The following TENM2 variants were observed in gnomAD, a reference collection of about 807,000 sequenced individuals.
The protein encoded by TENM2 is teneurin transmembrane protein 2.
In TENM2, 52 loss-of-function variants were observed where a neutral mutation model predicts 245.2. The observed-to-expected ratio is 0.21, with a 90% CI of 0.17 to 0.27. TENM2 has a LOEUF of 0.27. TENM2 is among the 10% of genes least tolerant of loss of function. The pLI is 1.00. For synonymous variants in TENM2, 1,363 were observed against 1,438.9 expected, an observed-to-expected ratio of 0.95 and a Z score of 1.19; for missense variants, 3,046 against 3,666.8, an observed-to-expected ratio of 0.83 and a Z score of 4.37.
At chr5:168,066,276 T>C (rs548085664) in intron 7 of TENM2, among the ~76,000 whole-genome samples, 95 of 152,282 alleles carry the variant, frequency 6.2e-4, no homozygotes, top group African/African-American at 2.3e-3. Flanking sequence ...CACATATCAT[T>C]TAAGCACTTC....
chr5:167,167,941 A>G, the TENM2 span, among the ~76,000 whole-genome samples: 50 of 152,188 alleles, frequency 3.3e-4, no homozygotes, highest in East Asian at 8.9e-3. Flanking sequence ...TGAGACCCAC[A>G]CTTTGAATCA....
At chr5:167,857,297 A>G (rs1341029917) in intron 2 of TENM2, among the ~76,000 whole-genome samples, 1 of 152,176 alleles carries the variant, frequency 6.6e-6, no homozygotes, top group African/African-American at 2.4e-5. Context: ...ATAAATGTCC[A>G]TTCTGTTTTT....
the TENM2 span, among the ~76,000 whole-genome samples, chr5:167,110,725 G>A: frequency 1.3e-5 from 2 of 152,136 alleles, no homozygotes; most frequent in Non-Finnish European, 2.9e-5. Flanking sequence ...GATCTTCAGT[G>A]TTTTTAATTT....
chr5:167,941,684 CAAAAAAA>C (rs981805963), intron 3 of TENM2, among the ~76,000 whole-genome samples: 30 of 110,026 alleles, frequency 2.7e-4, no homozygotes, highest in African/African-American at 6.7e-4. Context: ...CCATCTCTAC[CAAAAAAA>C]AAAAAAAAAA....
chr5:167,275,025 C>A, the TENM2 span, among the ~76,000 whole-genome samples: 1 of 151,898 alleles, frequency 6.6e-6, no homozygotes, highest in Non-Finnish European at 1.5e-5. Context: ...TATATACACA[C>A]ATATATTTAT....
At chr5:167,700,929 C>T (rs1215148583) in intron 2 of TENM2, among the ~76,000 whole-genome samples, 1 of 123,510 alleles carries the variant, frequency 8.1e-6, no homozygotes, top group Non-Finnish European at 1.6e-5. Context: ...AGCCCCAGTA[C>T]ACACAGTTGT....
intron 5 of TENM2, among the ~76,000 whole-genome samples, chr5:167,996,388 G>A (rs530097244): frequency 6.6e-6 from 1 of 152,256 alleles, no homozygotes; most frequent in Admixed American, 6.5e-5. Context: ...ACTCTGGAAA[G>A]CTGAATAAAC....
chr5:167,817,062 C>T (rs941755942), intron 2 of TENM2, among the ~76,000 whole-genome samples: 39 of 152,140 alleles, frequency 2.6e-4, no homozygotes, highest in African/African-American at 8.4e-4. Flanking sequence ...ATTCATGTTC[C>T]AACTGGAGAA....
At chr5:167,322,209 ATTTG>A (rs1581741036) in intron 1 of TENM2, among the ~76,000 whole-genome samples, 1 of 90,648 alleles carries the variant, frequency 1.1e-5, no homozygotes, top group African/African-American at 4.8e-5. Context: ...GCTCAAAAAT[ATTTG>A]TTTTTTTTTT....
intron 2 of TENM2, among the ~76,000 whole-genome samples, chr5:167,778,757 A>G (rs1293750337): frequency 2.6e-5 from 4 of 152,214 alleles, no homozygotes; most frequent in African/African-American, 9.7e-5. Context: ...ACAAAATGGG[A>G]TACTTAATCT....
At chr5:167,701,611 T>G (rs773268452) in intron 2 of TENM2, among the ~76,000 whole-genome samples, 2 of 151,392 alleles carry the variant, frequency 1.3e-5, no homozygotes, top group Non-Finnish European at 2.9e-5. Context: ...TTCTGTGTCT[T>G]ACTTGAAAAA....
intron 2 of TENM2, among the ~76,000 whole-genome samples, chr5:167,646,741 T>A: frequency 6.6e-6 from 1 of 151,998 alleles, no homozygotes; most frequent in Non-Finnish European, 1.5e-5. Flanking sequence ...ATAGCACAAG[T>A]ACAGTTTTAA....
chr5:167,400,454 C>A (rs889889910), intron 2 of TENM2, among the ~76,000 whole-genome samples: 3 of 151,982 alleles, frequency 2.0e-5, no homozygotes, highest in African/African-American at 7.2e-5. Flanking sequence ...GACTGGGAAA[C>A]AGGAAGTTTG....
At chr5:168,073,358 G>A (rs981015604) in intron 7 of TENM2, among the ~76,000 whole-genome samples, 1 of 152,178 alleles carries the variant, frequency 6.6e-6, no homozygotes, top group African/African-American at 2.4e-5. Context: ...ATCTTTGAGG[G>A]TGAGTTAAGC....
chr5:167,196,535 TAC>T, the TENM2 span, among the ~76,000 whole-genome samples: 2 of 136,782 alleles, frequency 1.5e-5, no homozygotes, highest in African/African-American at 7.2e-5. Flanking sequence ...TATGTGTGTG[TAC>T]ATATATGTGT....
chr5:167,679,168 T>C (rs892169640), intron 2 of TENM2, among the ~76,000 whole-genome samples: 1 of 152,166 alleles, frequency 6.6e-6, no homozygotes, highest in African/African-American at 2.4e-5. Context: ...CAGGACTTTC[T>C]GACTTCTCTA....
chr5:167,252,264 A>G, the TENM2 span, among the ~76,000 whole-genome samples: 3 of 152,208 alleles, frequency 2.0e-5, no homozygotes, highest in African/African-American at 7.2e-5. Flanking sequence ...TTAATGGGCT[A>G]CAGAGGCTGA....
At chr5:168,065,509 T>C (rs1790415964) in intron 7 of TENM2, among the ~76,000 whole-genome samples, 1 of 152,188 alleles carries the variant, frequency 6.6e-6, no homozygotes, top group Admixed American at 6.5e-5. Flanking sequence ...GGGAAAACCC[T>C]TTGTAAACGA....
chr5:167,532,104 T>TA (rs1771543576), intron 2 of TENM2, among the ~76,000 whole-genome samples: 1 of 152,140 alleles, frequency 6.6e-6, no homozygotes, highest in Admixed American at 6.5e-5. Flanking sequence ...CTCCTGTTAA[T>TA]ACCCTCCCCA....
Sources: gnomAD v4.1 joint callset for allele counts (sites outside exome capture counted in the v4.1 genomes callset) on GRCh38, gnomAD v4.1.1 for gene constraint, MANE v1.5 for transcripts, NCBI Gene and HGNC (gene_info 2026-07-23, HGNC 2026-07-21) for gene names.